The following GCSAML variants were observed in gnomAD, a reference collection of about 807,000 sequenced individuals.
GCSAML encodes germinal center associated signaling and motility like, also known as germinal center-associated signaling and motility-like protein.
Under a neutral mutation model 13.0 loss-of-function variants are expected in GCSAML, and 9 were observed. The ratio of observed to expected loss-of-function variants is 0.69; its 90% CI spans 0.42 to 1.21. The LOEUF is 1.21. Among genes scored for constraint, GCSAML ranks in the 50% most tolerant of loss-of-function variants. GCSAML has a pLI of 0.00. For synonymous variants in GCSAML, 37 were observed against 52.9 expected, an observed-to-expected ratio of 0.70 and a Z score of 1.31; for missense variants, 143 against 153.4, an observed-to-expected ratio of 0.93 and a Z score of 0.36.
intron 1 of GCSAML, among the ~76,000 whole-genome samples, chr1:247,518,174 C>A (rs905226740): frequency 1.3e-5 from 2 of 152,232 alleles, no homozygotes; most frequent in Non-Finnish European, 2.9e-5. Flanking sequence ...CCTGGTCTGG[C>A]CTGGCCGCGC....
At chr1:247,545,519 G>A (rs142655151), upstream of GCSAML, among the ~76,000 whole-genome samples, 4 of 152,186 alleles carry the variant, frequency 2.6e-5, no homozygotes, top group African/African-American at 7.2e-5. Context: ...ATGCAAAGGG[G>A]TACTTTGCAC....
At chr1:247,507,727 G>A (rs1665879385) in intron 1 of GCSAML, among the ~76,000 whole-genome samples, 1 of 152,046 alleles carries the variant, frequency 6.6e-6, no homozygotes, top group Non-Finnish European at 1.5e-5. Context: ...TTGTGTCCAT[G>A]TGTTCTCAAC....
intron 1 of GCSAML, among the ~76,000 whole-genome samples, chr1:247,555,278 T>A (rs1667910383): frequency 6.6e-6 from 1 of 152,152 alleles, no homozygotes; most frequent in South Asian, 2.1e-4. Context: ...TTTAGGAAGA[T>A]GGAATCGTGA....
intron 4 of GCSAML, among the ~76,000 whole-genome samples, chr1:247,566,950 A>T (rs764961954): frequency 5.3e-5 from 8 of 151,850 alleles, no homozygotes; most frequent in Non-Finnish European, 1.2e-4. Flanking sequence ...TGTGTGAACG[A>T]AAGTATAGAA....
In GCSAML at chr1:247,509,493, T is replaced by G. The variant is rs144152753; in HGVS notation, c.-263+2260T>G. 8.7e-3 allele frequency among the ~76,000 whole-genome samples: 1,326 copies of G among 152,296 alleles called. 14 individuals are homozygous for G. Among genetic ancestry groups the G allele is most frequent in the African/African-American group, 0.03 (1,247 of 41,564 alleles). On this transcript the variant is annotated intron_variant, in intron 1 of 5. Coordinates refer to the GCSAML transcript ENST00000366489. ...TCCTCTCTTCCTATATGAATAGGCT[T>G]TCTTTCTCTTGCCTGATTATCCTGG... is the stretch of plus-strand genomic sequence containing the variant.
intron 2 of GCSAML, among the ~76,000 whole-genome samples, chr1:247,541,585 AAC>A (rs1252288231): frequency 1.3e-5 from 2 of 152,186 alleles, no homozygotes; most frequent in Non-Finnish European, 2.9e-5. Context: ...CAAGTCAAAA[AAC>A]ACACAGACAC....
At chr1:247,561,826 G>T (rs1249794028) in intron 2 of GCSAML, among the ~76,000 whole-genome samples, 7 of 152,066 alleles carry the variant, frequency 4.6e-5, no homozygotes. Context: ...TTTAAGGAGG[G>T]TGCAGACGAG....
chr1:247,508,485 C>A (rs1301330271), intron 1 of GCSAML, among the ~76,000 whole-genome samples: 1 of 152,130 alleles, frequency 6.6e-6, no homozygotes, highest in African/African-American at 2.4e-5. Flanking sequence ...ATGATAGTTT[C>A]TTTTGCTGTG....
At chr1:247,522,174 C>T (rs1212408000) in intron 1 of GCSAML, among the ~76,000 whole-genome samples, 9 of 151,796 alleles carry the variant, frequency 5.9e-5, no homozygotes, top group African/African-American at 1.7e-4. Context: ...TGAGGAGCGT[C>T]TCCGCCCGGC....
intron 2 of GCSAML, chr1:247,529,145 T>G (rs1413867450): frequency 2.0e-5 from 3 of 152,210 alleles, no homozygotes; most frequent in Non-Finnish European, 4.4e-5. Context: ...CCTTTGAGCA[T>G]AGAGTAAGCA....
chr1:247,565,902 T>G, intron 3 of GCSAML, 29 bp from the exon 4 acceptor site: 2 of 1,536,186 alleles, frequency 1.3e-6, no homozygotes, highest in East Asian at 2.3e-5. Context: ...TTTCCTTTCT[T>G]TCTTTTTTTT....
At chr1:247,534,886 T>C (rs888455117) in intron 2 of GCSAML, among the ~76,000 whole-genome samples, 2 of 152,188 alleles carry the variant, frequency 1.3e-5, no homozygotes, top group Admixed American at 6.5e-5. Context: ...AATTCACACG[T>C]GGAAGCTGTC....
intron 1 of GCSAML, among the ~76,000 whole-genome samples, chr1:247,520,612 T>C (rs925424925): frequency 6.6e-6 from 1 of 152,134 alleles, no homozygotes; most frequent in African/African-American, 2.4e-5. Context: ...TTCCCAGAAG[T>C]TATATAAAAT....
intron 2 of GCSAML, chr1:247,533,393 T>TAGAA (rs1413420640): frequency 1.3e-5 from 2 of 152,160 alleles, no homozygotes; most frequent in Non-Finnish European, 2.9e-5. Context: ...AGGTGACACA[T>TAGAA]AGAAACCAGA....
At position 247,549,369 on chromosome 1, in the gene GCSAML, C is replaced by T. The variant is rs915660911; in HGVS notation, c.29+149C>T. On this transcript the variant is annotated intron_variant, in intron 1 of 4. Coordinates refer to ENST00000366488, the MANE Select transcript of GCSAML (RefSeq NM_145278.5). ...CATCCTCTAGGAGCACACAGTGACG[C>T]CCAGTTGGCTCCTTCTCTTGCCTTA... 8.3e-6 allele frequency: 5 copies of T among 599,904 alleles called. No homozygotes were observed. In the East Asian group the frequency reaches 1.4e-4, roughly 17 times the overall value. 37.2% of individuals were successfully genotyped at this position (599,904 alleles called of 1,614,324 possible).
intron 1 of GCSAML, among the ~76,000 whole-genome samples, chr1:247,555,235 A>G (rs908957234): frequency 6.6e-6 from 1 of 152,200 alleles, no homozygotes; most frequent in African/African-American, 2.4e-5. Context: ...CCCAAGGACA[A>G]TTATTTTACC....
At chr1:247,567,765 A>C (rs976025067) in intron 4 of GCSAML, among the ~76,000 whole-genome samples, 1 of 152,116 alleles carries the variant, frequency 6.6e-6, no homozygotes, top group African/African-American at 2.4e-5. Flanking sequence ...TGTCTTCCTC[A>C]ATGGTTGAAC....
At chr1:247,558,212 A>C (rs1004915809) in intron 2 of GCSAML, among the ~76,000 whole-genome samples, 28 of 152,226 alleles carry the variant, frequency 1.8e-4, no homozygotes, top group African/African-American at 5.5e-4. Context: ...TATGTGTTGC[A>C]TGTGGGCTAA....
intron 4 of GCSAML, among the ~76,000 whole-genome samples, chr1:247,569,088 G>C (rs1055849830): frequency 6.6e-6 from 1 of 152,124 alleles, no homozygotes; most frequent in Non-Finnish European, 1.5e-5. Context: ...TTGCTTATTA[G>C]GTTAAGGAGT....
Sources: gnomAD v4.1 joint callset for allele counts (sites outside exome capture counted in the v4.1 genomes callset) on GRCh38, gnomAD v4.1.1 for gene constraint, MANE v1.5 for transcripts, NCBI Gene and HGNC (gene_info 2026-07-23, HGNC 2026-07-21) for gene names.